The following ADAM22 variants were observed in gnomAD, a reference collection of about 807,000 sequenced individuals.
ADAM22 encodes the protein disintegrin and metalloproteinase domain-containing protein 22.
A neutral mutation model predicts 144.6 loss-of-function variants in ADAM22; 65 were observed. The ratio of observed to expected loss-of-function variants is 0.45; its 90% confidence interval spans 0.37 to 0.55. The LOEUF is 0.55. Ranked by LOEUF, ADAM22 falls within the 20% of genes least tolerant of loss-of-function variation. ADAM22 has a pLI of 0.00. For missense variants in ADAM22, 974 were observed against 1,184.9 expected (o/e 0.82, Z 2.61); for synonymous variants, 391 against 412.6 (o/e 0.95, Z 0.63).
intron 27 of ADAM22, 34 bp from the exon 28 acceptor site, chr7:88,181,471 T>G: frequency 6.3e-7 from 1 of 1,582,476 alleles, no homozygotes; most frequent in Non-Finnish European, 8.7e-7. Context: ...TTTGGTTACA[T>G]TTTTGAACAA....
chr7:88,135,421 C>A (rs1008646204), intron 13 of ADAM22, among the ~76,000 whole-genome samples: 5 of 151,956 alleles, frequency 3.3e-5, no homozygotes, highest in African/African-American at 1.2e-4. Flanking sequence ...TTTTTAGCCC[C>A]ATTTTACAGA....
At position 88,131,409 on chromosome 7, in the gene ADAM22, G is replaced by A; in HGVS notation, c.966G>A (p.Glu322=). The change falls in exon 11 of 32, where the codon GAG becomes GAA. Residue 322 remains glutamate (E), a synonymous_variant. Transcript: ENST00000413139. ...FMKYRRDFIK[E]KSDAVHLFSG... ...AATACAGGAGGGATTTTATCAAAGA[G>A]AAAAGTGATGCAGTTCACCTTTTTT... 1 of 1,613,766 alleles carries A rather than the reference G, an allele frequency of 6.2e-7. No homozygotes were observed. Among genetic ancestry groups the A allele is most frequent in the Non-Finnish European group, 8.5e-7 (1 of 1,179,794 alleles).
intron 3 of ADAM22, among the ~76,000 whole-genome samples, chr7:87,984,617 C>T (rs2129450197): frequency 6.6e-6 from 1 of 152,274 alleles, no homozygotes; most frequent in Middle Eastern, 3.4e-3. Context: ...TTCCCCGTTC[C>T]TATTCTTAAA....
chr7:88,116,806 T>G lies in ADAM22; in HGVS notation c.599T>G (p.Leu200Arg). The G allele has an allele frequency of 6.2e-7, 1 of 1,610,854 alleles. No homozygotes were observed. The change falls in exon 7 of 32, where the codon CTT becomes CGT. Residue 200 changes from leucine (L) to arginine (R), a missense_variant. Physicochemically the swap from Leu to Arg is moderately radical, Grantham distance 102. Around this residue, in one of 2 missense-constraint regions of ADAM22, gnomAD observed 734 missense variants for 950.6 expected, o/e 0.77. Coordinates refer to ENST00000413139, the MANE Select transcript of ADAM22 (RefSeq NM_001324418.2). The part of the protein sequence containing the change: ...SRLFEFSLDD[L>R]PSEFQQVNIT... ...CTGTTTGAATTTTCCTTGGATGATC[T>G]TCCATCTGGTATGATGTTCATATAG...
chr7:88,142,710 C>T lies in ADAM22; in HGVS notation c.1221-316C>T, dbSNP rs546921004. 5.3e-3 allele frequency among the ~76,000 whole-genome samples: 800 copies of T among 151,616 alleles called. 11 individuals are homozygous for T. Among genetic ancestry groups the T allele is most frequent in the African/African-American group, 0.018 (747 of 41,318 alleles). On this transcript the variant is annotated intron_variant, in intron 14 of 31. Coordinates refer to ENST00000413139, the MANE Select transcript of ADAM22 (RefSeq NM_001324418.2). ...AAAATTAGCTGGGCATGGTGGCGGG[C>T]GCCTGTAGTCCCAGCTACTCGGGAG... is the stretch of plus-strand genomic sequence containing the variant.
intron 3 of ADAM22, among the ~76,000 whole-genome samples, chr7:88,071,391 ATT>A (rs71297113): frequency 0.013 from 1,665 of 125,982 alleles, 16 homozygotes; most frequent in Non-Finnish European, 0.018. Context: ...TTATGAAGTG[ATT>A]TTTTTTTTTT....
chr7:88,105,947 C>T lies in ADAM22; in HGVS notation c.391-2229C>T, dbSNP rs528735372. On this transcript the variant is annotated intron_variant, in intron 4 of 31. Coordinates refer to ENST00000413139, the MANE Select transcript of ADAM22 (RefSeq NM_001324418.2). ...TCTAAACTCTTTATGTCTATTAGCT[C>T]ATGTAATCCTCATAACAGCCCTATG... Among the ~76,000 whole-genome samples, 8 of 152,288 alleles carry T rather than the reference C, an allele frequency of 5.3e-5. No homozygotes were observed. In the South Asian group the frequency reaches 8.3e-4, roughly 16 times the overall value.
chr7:87,981,274 A>T (rs1853346916), intron 3 of ADAM22, among the ~76,000 whole-genome samples: 2 of 152,162 alleles, frequency 1.3e-5, no homozygotes, highest in Non-Finnish European at 2.9e-5. Context: ...AATATCTTTT[A>T]TAGCCTGCTT....
At chr7:88,158,235 G>T (rs1264088188) in intron 22 of ADAM22, among the ~76,000 whole-genome samples, 1 of 152,084 alleles carries the variant, frequency 6.6e-6, no homozygotes, top group African/African-American at 2.4e-5. Flanking sequence ...CAACACAGGA[G>T]CACCCAGCTT....
At chr7:87,975,387 T>G (rs1049366549) in intron 2 of ADAM22, among the ~76,000 whole-genome samples, 1 of 152,206 alleles carries the variant, frequency 6.6e-6, no homozygotes, top group East Asian at 1.9e-4. Flanking sequence ...CAAATCTAAA[T>G]AGCTCCCAGC....
In ADAM22 at chr7:88,118,335, C is replaced by G. The variant is rs147120201; in HGVS notation, c.607+1521C>G. On this transcript the variant is annotated intron_variant, in intron 7 of 31. Transcript: ENST00000413139. ...CTAAAGAGAAATGAACATTCTCTCC[C>G]CTTCTCTCCTGCTGCCAGAGGGATA... is the stretch of plus-strand genomic sequence containing the variant. 9.9e-4 allele frequency among the ~76,000 whole-genome samples: 150 copies of G among 152,276 alleles called. 2 individuals are homozygous for G. Among genetic ancestry groups the G allele is most frequent in the African/African-American group, 3.5e-3 (144 of 41,564 alleles).
At chr7:88,082,853 G>T (rs1423487633) in intron 4 of ADAM22, among the ~76,000 whole-genome samples, 4 of 152,104 alleles carry the variant, frequency 2.6e-5, no homozygotes, top group East Asian at 3.9e-4. Context: ...TGCTGGAGAG[G>T]ATGTGGAGAA....
chr7:88,055,468 C>G (rs1029594198), intron 3 of ADAM22, among the ~76,000 whole-genome samples: 1 of 152,004 alleles, frequency 6.6e-6, no homozygotes, highest in African/African-American at 2.4e-5. Context: ...GTGCTCCCAT[C>G]CCCGTTTCCT....
chr7:88,093,816 G>A (rs1308303676), intron 4 of ADAM22, among the ~76,000 whole-genome samples: 1 of 152,158 alleles, frequency 6.6e-6, no homozygotes, highest in Non-Finnish European at 1.5e-5. Context: ...TGAGATTACA[G>A]GCATGAGCCA....
chr7:88,155,229 TAA>T lies in ADAM22; in HGVS notation c.1788-649_1788-648del, dbSNP rs112499423. Among the ~76,000 whole-genome samples, 769 of 149,898 alleles carry T rather than the reference TAA, an allele frequency of 5.1e-3. 10 individuals carry two copies. The highest frequency in any genetic ancestry group is 0.018 in the African/African-American group (737 of 40,984). On this transcript the variant is annotated intron_variant, in intron 21 of 31. Coordinates refer to ENST00000413139, the MANE Select transcript of ADAM22 (RefSeq NM_001324418.2). ...ATCCAAATATCATTCAATTACCAAT[TAA>T]AAAAAAAATTGTCTGGGCACAGCAT...
At chr7:88,055,169 T>G (rs1321778717) in intron 3 of ADAM22, among the ~76,000 whole-genome samples, 2 of 152,066 alleles carry the variant, frequency 1.3e-5, no homozygotes, top group African/African-American at 2.4e-5. Context: ...TCCTTTGTTC[T>G]CAGGACCTTG....
chr7:88,168,527 G>T (rs915736409), intron 25 of ADAM22: 18 of 406,988 alleles, frequency 4.4e-5, no homozygotes, highest in East Asian at 2.5e-4. Context: ...CTTTTGAAGA[G>T]AATTTAATAA....
intron 26 of ADAM22, among the ~76,000 whole-genome samples, chr7:88,176,111 TA>T (rs1845594473): frequency 6.6e-6 from 1 of 152,146 alleles, no homozygotes; most frequent in Admixed American, 6.6e-5. Context: ...TAGCTGGCAT[TA>T]CAAGTGCGTG....
chr7:88,042,599 A>G (rs1393084219), intron 3 of ADAM22, among the ~76,000 whole-genome samples: 1 of 151,980 alleles, frequency 6.6e-6, no homozygotes, highest in Non-Finnish European at 1.5e-5. Context: ...CTTTACTCAC[A>G]TGCACATTCA....
Sources: allele counts gnomAD v4.1 joint callset (sites outside exome capture counted in the v4.1 genomes callset), GRCh38; gene constraint gnomAD v4.1.1; regional missense constraint gnomAD v4.1.1; transcripts MANE v1.5; gene names NCBI Gene and HGNC (gene_info 2026-07-23, HGNC 2026-07-21).